Variants in CDH2 observed in about 807,000 individuals in gnomAD.
CDH2 encodes the protein cadherin-2.
A neutral mutation model predicts 92.0 loss-of-function variants in CDH2; 17 were observed. The observed-to-expected ratio is 0.18, with a 90% CI of 0.13 to 0.28. CDH2 has a LOEUF of 0.28. Among genes scored for constraint, CDH2 ranks in the 10% least tolerant of loss-of-function variants. The pLI is 1.00. For synonymous variants in CDH2, 419 were observed against 415.9 expected, an observed-to-expected ratio of 1.01 and a Z score of -0.09; for missense variants, 862 against 1,133.1, an observed-to-expected ratio of 0.76 and a Z score of 3.44.
chr18:28,063,337 C>T (rs2014441560), intron 2 of CDH2, among the ~76,000 whole-genome samples: 1 of 152,088 alleles, frequency 6.6e-6, no homozygotes, highest in African/African-American at 2.4e-5. Flanking sequence ...GAGGAGTCAA[C>T]AACCAACAAT....
intron 15 of CDH2, among the ~76,000 whole-genome samples, chr18:27,960,019 A>AACACACACACACACACACACACACAC (rs5823570): frequency 1.1e-4 from 17 of 149,502 alleles, no homozygotes; most frequent in African/African-American, 3.9e-4. Flanking sequence ...TGTCTCTTAA[A>AACACACACACACACACACACACACAC]ACACACACAC....
intron 6 of CDH2, among the ~76,000 whole-genome samples, chr18:27,933,440 T>A (rs1026392281): frequency 3.3e-5 from 5 of 152,122 alleles, no homozygotes; most frequent in Non-Finnish European, 5.9e-5. Context: ...GTCATCAACA[T>A]GACCAATATA....
At chr18:28,078,537 A>G (rs899640319) in intron 2 of CDH2, among the ~76,000 whole-genome samples, 6 of 152,098 alleles carry the variant, frequency 3.9e-5, no homozygotes, top group Admixed American at 6.6e-5. Flanking sequence ...AGGACAAAGT[A>G]CCAACTCCTA....
chr18:28,145,529 G>C (rs2016022061), intron 2 of CDH2, among the ~76,000 whole-genome samples: 1 of 152,022 alleles, frequency 6.6e-6, no homozygotes, highest in Non-Finnish European at 1.5e-5. Context: ...TCAGTGTATA[G>C]CTATAGCATT....
chr18:28,067,809 T>C (rs2014538759), intron 2 of CDH2, among the ~76,000 whole-genome samples: 1 of 152,190 alleles, frequency 6.6e-6, no homozygotes, highest in Non-Finnish European at 1.5e-5. Flanking sequence ...TGAATGTCCC[T>C]TAGGGTCAAG....
At chr18:27,941,115 A>G (rs189386354) in intron 6 of CDH2, among the ~76,000 whole-genome samples, 64 of 147,716 alleles carry the variant, frequency 4.3e-4, no homozygotes, top group Admixed American at 2.7e-3. Context: ...GGCTCACTGC[A>G]AGCTCTGCCT....
chr18:28,051,701 C>G (rs1230744290), intron 2 of CDH2, among the ~76,000 whole-genome samples: 3 of 152,038 alleles, frequency 2.0e-5, no homozygotes, highest in Non-Finnish European at 4.4e-5. Context: ...AGTTTTCCAA[C>G]CTACATCCTA....
chr18:28,068,132 C>T (rs1427877206), intron 2 of CDH2, among the ~76,000 whole-genome samples: 2 of 152,198 alleles, frequency 1.3e-5, no homozygotes, highest in Non-Finnish European at 2.9e-5. Context: ...CCTTCCGAAA[C>T]ACAAGGGAGG....
At chr18:28,131,683 G>GGTGTGT (rs33990872) in intron 2 of CDH2, among the ~76,000 whole-genome samples, 1,792 of 150,272 alleles carry the variant, frequency 0.012, 16 homozygotes, top group African/African-American at 0.028. Flanking sequence ...AAGCATTTGT[G>GGTGTGT]GTGTGTGTGT....
At chr18:28,092,453 A>G (rs956660972) in intron 2 of CDH2, among the ~76,000 whole-genome samples, 2 of 152,158 alleles carry the variant, frequency 1.3e-5, no homozygotes, top group African/African-American at 4.8e-5. Context: ...TCACCCTCAG[A>G]AGACTATTGT....
intron 2 of CDH2, among the ~76,000 whole-genome samples, chr18:28,018,466 G>A (rs147882736): frequency 6.6e-6 from 1 of 151,952 alleles, no homozygotes; most frequent in African/African-American, 2.4e-5. Flanking sequence ...AAATCTGGAG[G>A]TATTACATTA....
Position 28,080,267 on chromosome 18 carries a change from T to A in CDH2, c.173-66358A>T, listed in dbSNP as rs1047718492. Reference sequence around the variant, plus strand: ...AGCCCGAAGCCTCACAGCAATGATCTGAAAACCACGAATAACACCAGAATT... The same window carrying A: ...AGCCCGAAGCCTCACAGCAATGATCAGAAAACCACGAATAACACCAGAATT... On this transcript the variant is annotated intron_variant, in intron 2 of 15. Coordinates refer to ENST00000269141, the MANE Select transcript of CDH2 (RefSeq NM_001792.5). 3.3e-5 allele frequency among the ~76,000 whole-genome samples: 5 copies of A among 152,344 alleles called. No individual in the cohort carries two copies. In the East Asian group the frequency reaches 9.6e-4, roughly 29 times the overall value.
At chr18:28,050,793 C>G (rs2144125966) in intron 2 of CDH2, among the ~76,000 whole-genome samples, 1 of 152,258 alleles carries the variant, frequency 6.6e-6, no homozygotes, top group South Asian at 2.1e-4. Flanking sequence ...TGCCTGAAAG[C>G]TCTCTTCTTG....
intron 2 of CDH2, among the ~76,000 whole-genome samples, chr18:28,067,431 T>C (rs2144159399): frequency 6.6e-6 from 1 of 152,282 alleles, no homozygotes; most frequent in East Asian, 1.9e-4. Context: ...CTAATCTACC[T>C]TCTGTCTCTA....
chr18:27,955,777 TTTTA>T (rs1231123721), intron 15 of CDH2, among the ~76,000 whole-genome samples: 2 of 136,146 alleles, frequency 1.5e-5, no homozygotes, highest in Non-Finnish European at 3.2e-5. Context: ...TTTTTTTTTT[TTTTA>T]AAGAGGTTAA....
At chr18:28,108,097 TC>T (rs1802749564) in intron 2 of CDH2, among the ~76,000 whole-genome samples, 1 of 152,150 alleles carries the variant, frequency 6.6e-6, no homozygotes. Flanking sequence ...CATTTTTTTT[TC>T]CTCTCTATTT....
chr18:28,157,329 T>A (rs1354497038), intron 1 of CDH2, among the ~76,000 whole-genome samples: 1 of 152,186 alleles, frequency 6.6e-6, no homozygotes, highest in Non-Finnish European at 1.5e-5. Flanking sequence ...CTAAAGACAC[T>A]CAATATCAGT....
At chr18:27,957,356 C>T (rs1382301773) in intron 15 of CDH2, among the ~76,000 whole-genome samples, 2 of 151,990 alleles carry the variant, frequency 1.3e-5, no homozygotes, top group Non-Finnish European at 2.9e-5. Flanking sequence ...CTCAGGTGAT[C>T]CTCCCACCTC....
At chr18:28,000,559 G>A (rs539457812) in intron 7 of CDH2, among the ~76,000 whole-genome samples, 63 of 152,186 alleles carry the variant, frequency 4.1e-4, no homozygotes, top group Non-Finnish European at 8.8e-4. Flanking sequence ...CAAACCTGGG[G>A]GGAGCAGGGG....
Sources: allele counts gnomAD v4.1 joint callset (sites outside exome capture counted in the v4.1 genomes callset), GRCh38; gene constraint gnomAD v4.1.1; transcripts MANE v1.5; gene names NCBI Gene and HGNC (gene_info 2026-07-23, HGNC 2026-07-21).